BFSP1: variants seen among roughly 807,000 people sequenced by gnomAD.
BFSP1 encodes beaded filament structural protein 1.
A neutral mutation model predicts 43.9 loss-of-function variants in BFSP1; 38 were observed. That is an observed-to-expected ratio of 0.87 (90% CI 0.67 to 1.14). The LOEUF (loss-of-function observed/expected upper bound fraction) is 1.14, where lower values mean the gene tolerates loss of function less well. BFSP1 is among the 50% of genes most tolerant of loss of function. The pLI is 0.00. For missense variants in BFSP1, 850 were observed against 875.1 expected, an observed-to-expected ratio of 0.97 and a Z score of 0.36; for synonymous variants, 352 against 354.8, an observed-to-expected ratio of 0.99 and a Z score of 0.09.
upstream of BFSP1, among the ~76,000 whole-genome samples, chr20:17,563,849 G>GT (rs1306414928): frequency 7.1e-6 from 1 of 140,800 alleles, no homozygotes; most frequent in East Asian, 2.2e-4. Flanking sequence ...TCGTGCCACT[G>GT]TAACTCCAGC....
intron 5 of BFSP1, among the ~76,000 whole-genome samples, chr20:17,505,254 G>A (rs1380400127): frequency 1.3e-5 from 2 of 152,162 alleles, no homozygotes; most frequent in East Asian, 1.9e-4. Context: ...CCCATCGTCC[G>A]CCCAGCGTCT....
Position 17,494,687 on chromosome 20 carries a change from G to A in BFSP1, c.1385C>T (p.Thr462Ile), listed in dbSNP as rs762153216. 5.6e-6 allele frequency: 9 copies of A among 1,611,630 alleles called. No homozygotes were observed. The highest frequency in any genetic ancestry group is 7.6e-6 in the Non-Finnish European group (9 of 1,178,928). ...VRSPKEPETP[T>I]ELYTKERHVL... ...GTGCCGCTCTTTGGTGTAGAGCTCAGTGGGGGTCTCAGGCTCTTTGGGGCT... is the reference window on the plus strand; with the variant it reads ...GTGCCGCTCTTTGGTGTAGAGCTCAATGGGGGTCTCAGGCTCTTTGGGGCT... The change falls in exon 8 of 8, where the codon ACT becomes ATT. Residue 462 changes from threonine to isoleucine, a missense_variant. Coordinates refer to ENST00000377873, the MANE Select transcript of BFSP1 (RefSeq NM_001195.5).
intron 1 of BFSP1, 135 bp downstream of exon 1, chr20:17,530,818 G>T: frequency 1.0e-6 from 1 of 996,698 alleles, no homozygotes; most frequent in Non-Finnish European, 1.3e-6. Context: ...CCACCTGCGT[G>T]CAGGGATGAG....
intron 1 of BFSP1, among the ~76,000 whole-genome samples, chr20:17,530,169 G>A (rs1322308212): frequency 6.6e-6 from 1 of 152,152 alleles, no homozygotes; most frequent in Admixed American, 6.5e-5. Context: ...CAATACTGCT[G>A]GTCCATGGAC....
chr20:17,499,242 ATTTTT>A (rs11339300), intron 5 of BFSP1, among the ~76,000 whole-genome samples: 89 of 129,628 alleles, frequency 6.9e-4, no homozygotes, highest in African/African-American at 2.4e-3. Context: ...TCCTTACACA[ATTTTT>A]TTTTTTTTTT....
chr20:17,559,986 C>A (rs555677575), upstream of BFSP1, among the ~76,000 whole-genome samples: 1 of 152,096 alleles, frequency 6.6e-6, no homozygotes, highest in South Asian at 2.1e-4. Flanking sequence ...CAAATCATGA[C>A]CATTGGCCTT....
At chr20:17,544,393 G>A (rs1280809485) in intron 1 of BFSP1, among the ~76,000 whole-genome samples, 1 of 152,208 alleles carries the variant, frequency 6.6e-6, no homozygotes, top group African/African-American at 2.4e-5. Flanking sequence ...GCAGGCTTTA[G>A]CACATAGAGG....
At chr20:17,554,222 A>G (rs915422258) in intron 1 of BFSP1, among the ~76,000 whole-genome samples, 1 of 152,158 alleles carries the variant, frequency 6.6e-6, no homozygotes, top group African/African-American at 2.4e-5. Flanking sequence ...GGCCAATACT[A>G]TCAAAGCTTT....
At position 17,493,970 on chromosome 20, in the gene BFSP1, A is replaced by G; in HGVS notation, c.*104T>C. ...ATGCCAGATGGGTCAACTATGGTCT[A>G]ATCCAAACAGGAACCCTCACCCTTT... On this transcript the variant is annotated 3_prime_UTR_variant, in exon 8 of 8. Coordinates refer to ENST00000377873, the MANE Select transcript of BFSP1 (RefSeq NM_001195.5). 8 of 1,139,084 alleles carry G rather than the reference A, an allele frequency of 7.0e-6. No homozygotes were observed. The highest frequency in any genetic ancestry group is 1.0e-5 in the Non-Finnish European group (8 of 799,020). 70.6% of individuals were successfully genotyped at this position (1,139,084 alleles called of 1,614,324 possible).
intron 2 of BFSP1, among the ~76,000 whole-genome samples, chr20:17,519,239 TAGA>T (rs2034267817): frequency 6.6e-6 from 1 of 152,122 alleles, no homozygotes; most frequent in Non-Finnish European, 1.5e-5. Context: ...ATTTTAGAAA[TAGA>T]AGGAACCCTG....
chr20:17,530,985 C>A lies in BFSP1; in HGVS notation c.345G>T (p.Glu115Asp). 1 of 1,438,984 alleles carries A rather than the reference C, an allele frequency of 6.9e-7. No homozygotes were observed. Among genetic ancestry groups the A allele is most frequent in the South Asian group, 1.4e-5 (1 of 72,700 alleles). 89.1% of individuals were successfully genotyped at this position (1,438,984 alleles called of 1,614,324 possible). ...ERARLERQGT[E>D]AQRALDEFRS... ...GGAACTCGTCGAGCGCGCGCTGCGC[C>A]TCGGTGCCCTGGCGCTCCAGCCGGG... is the stretch of plus-strand genomic sequence containing the variant. The change falls in exon 1 of 8, where the codon GAG becomes GAT. Residue 115 changes from glutamate to aspartate, a missense_variant. By Grantham distance (45) the Glu-to-Asp change is conservative. Coordinates refer to ENST00000377873, the MANE Select transcript of BFSP1 (RefSeq NM_001195.5).
Position 17,494,960 on chromosome 20 carries a change from G to T in BFSP1, c.1112C>A (p.Pro371Gln). ...PRQKALPKNVPRRKEIITKDK... is the reference protein window; with the variant it reads ...PRQKALPKNVQRRKEIITKDK... ...TTTTGTTATAATCTCTTTTCTCCTT[G>T]GAACATTCTTGGGGAGGGCTTTTTG... Residue 371 changes from proline (P) to glutamine (Q), a missense_variant, in exon 8 of 8, where the codon CCA becomes CAA. Coordinates refer to ENST00000377873, the MANE Select transcript of BFSP1 (RefSeq NM_001195.5). The T allele has an allele frequency of 6.2e-7, 1 of 1,614,100 alleles. No homozygotes were observed.
Position 17,498,878 on chromosome 20 carries a change from G to C in BFSP1, c.898C>G (p.Gln300Glu). The C allele has an allele frequency of 6.2e-7, 1 of 1,613,950 alleles. No homozygotes were observed. Among genetic ancestry groups the C allele is most frequent in the Non-Finnish European group, 8.5e-7 (1 of 1,180,042 alleles). The change falls in exon 6 of 8, where the codon CAA (glutamine) becomes GAA (glutamate). Residue 300 changes from glutamine to glutamate, a missense_variant. By Grantham distance (29) the Gln-to-Glu change is conservative. Coordinates refer to ENST00000377873, the MANE Select transcript of BFSP1 (RefSeq NM_001195.5). ...CGGTCCAGCTCATTCTTCAGGGTTT[G>C]CTGGGCGACCGCCAGCTGCCGGCAG... is the stretch of plus-strand genomic sequence containing the variant. ...YDCRQLAVAQ[Q>E]TLKNELDRYH...
chr20:17,520,468 T>G (rs1448220199), intron 2 of BFSP1, among the ~76,000 whole-genome samples: 1 of 152,214 alleles, frequency 6.6e-6, no homozygotes, highest in Non-Finnish European at 1.5e-5. Flanking sequence ...AATGGGTATT[T>G]AAGTTCATTA....
upstream of BFSP1, among the ~76,000 whole-genome samples, chr20:17,531,857 C>G (rs982887572): frequency 2.7e-5 from 4 of 150,612 alleles, no homozygotes. Flanking sequence ...TTTCCAATTG[C>G]TCGGTTATGC....
chr20:17,496,246 C>A (rs1450881536), intron 7 of BFSP1, among the ~76,000 whole-genome samples: 1 of 152,232 alleles, frequency 6.6e-6, no homozygotes, highest in Non-Finnish European at 1.5e-5. Flanking sequence ...AACACCATTT[C>A]CACAAAGCCC....
chr20:17,499,024 T>C lies in BFSP1; in HGVS notation c.752A>G (p.Gln251Arg). 1.2e-6 allele frequency: 2 copies of C among 1,614,180 alleles called. No homozygotes were observed. Among genetic ancestry groups the C allele is most frequent in the Non-Finnish European group, 1.7e-6 (2 of 1,180,008 alleles). Residue 251 changes from glutamine to arginine, a missense_variant, in exon 6 of 8, where the codon CAA becomes CGA. By Grantham distance (43) the Gln-to-Arg change is conservative (BLOSUM62 1). Coordinates refer to ENST00000377873, the MANE Select transcript of BFSP1 (RefSeq NM_001195.5). ...ACACTCATGGGCACTTTTAATAGCT[T>C]GTTCCAGAGTTGTTGTCTGTGGGCA... ...ELQAQTTTLEQAIKSAHECYD... is the reference protein window; with the variant it reads ...ELQAQTTTLERAIKSAHECYD...
chr20:17,526,634 T>A (rs2034431554), intron 1 of BFSP1, among the ~76,000 whole-genome samples: 1 of 152,240 alleles, frequency 6.6e-6, no homozygotes, highest in Non-Finnish European at 1.5e-5. Flanking sequence ...AACACGTATA[T>A]GCAAGTAGCT....
At chr20:17,559,044 G>GA (rs549727020), upstream of BFSP1, 5,274 of 183,646 alleles carry the variant, frequency 0.029, no homozygotes, top group East Asian at 0.046. Flanking sequence ...GAAGAGTAAA[G>GA]AAAAAAAAAA....
Sources: gnomAD v4.1 joint callset for allele counts (sites outside exome capture counted in the v4.1 genomes callset) on GRCh38, gnomAD v4.1.1 for gene constraint, MANE v1.5 for transcripts, NCBI Gene and HGNC (gene_info 2026-07-23, HGNC 2026-07-21) for gene names.